The following PRKCH variants were observed in gnomAD, a reference collection of about 807,000 sequenced individuals.
PRKCH encodes protein kinase C eta type.
PRKCH carries 28 observed loss-of-function variants against 82.5 expected under a neutral mutation model. The observed-to-expected ratio is 0.34, with a 90% CI of 0.25 to 0.47. The LOEUF is 0.47. Ranked by LOEUF, PRKCH falls within the 20% of genes least tolerant of loss-of-function variation. PRKCH has a pLI of 1.00. For synonymous variants in PRKCH, 322 were observed against 327.4 expected (o/e 0.98, Z 0.18); for missense variants, 705 against 881.8 (o/e 0.80, Z 2.54).
intron 1 of PRKCH, among the ~76,000 whole-genome samples, chr14:61,228,238 A>G (rs1221564173): frequency 1.3e-5 from 2 of 152,238 alleles, no homozygotes; most frequent in Admixed American, 1.3e-4. Flanking sequence ...GAGTCCAGTC[A>G]TTTTTACAAA....
intron 1 of PRKCH, among the ~76,000 whole-genome samples, chr14:61,230,092 G>T (rs1384938682): frequency 6.6e-6 from 1 of 151,862 alleles, no homozygotes; most frequent in African/African-American, 2.4e-5. Context: ...AACATTCAGT[G>T]AAAAAAGGTA....
At chr14:61,514,657 C>G (rs1290470447) in intron 10 of PRKCH, among the ~76,000 whole-genome samples, 1 of 152,154 alleles carries the variant, frequency 6.6e-6, no homozygotes, top group Non-Finnish European at 1.5e-5. Context: ...GGGAACCTGG[C>G]CAAACCCAAT....
intron 2 of PRKCH, among the ~76,000 whole-genome samples, chr14:61,404,401 C>T (rs559115536): frequency 6.6e-6 from 1 of 152,248 alleles, no homozygotes; most frequent in South Asian, 2.1e-4. Flanking sequence ...ACAAAATGTC[C>T]TGGGTCAAGC....
intron 10 of PRKCH, chr14:61,525,094 C>G (rs1088667): frequency 0.75 from 114,389 of 152,134 alleles, 47,419 homozygotes; most frequent in Non-Finnish European, 0.93. Context: ...AGAAGGAAGA[C>G]AGGTGCACAG....
chr14:61,532,336 G>A lies in PRKCH; in HGVS notation c.1761+1741G>A, dbSNP rs145099186. Among the ~76,000 whole-genome samples the A allele has an allele frequency of 1.1e-3, 168 of 152,258 alleles. 1 individual carries two copies. Among genetic ancestry groups the A allele is most frequent in the Non-Finnish European group, 2.2e-3 (150 of 68,002 alleles). On this transcript the variant is annotated intron_variant, in intron 12 of 13. Coordinates refer to ENST00000332981, the MANE Select transcript of PRKCH (RefSeq NM_006255.5). ...GGGTAGGAAATAAAAGTCAGTCTATGCCTCAATAAATTTTTATATTCTCTA... is the reference window on the plus strand; with the variant it reads ...GGGTAGGAAATAAAAGTCAGTCTATACCTCAATAAATTTTTATATTCTCTA...
intron 10 of PRKCH, among the ~76,000 whole-genome samples, chr14:61,508,020 C>T (rs1887227619): frequency 6.6e-6 from 1 of 152,070 alleles, no homozygotes; most frequent in Non-Finnish European, 1.5e-5. Context: ...GATGATTTTA[C>T]AGGTATACAC....
chr14:61,270,392 G>T (rs921734061), intron 1 of PRKCH, among the ~76,000 whole-genome samples: 2 of 152,154 alleles, frequency 1.3e-5, no homozygotes, highest in Non-Finnish European at 1.5e-5. Context: ...ATCTCTCCAC[G>T]CTAGCAGTGG....
chr14:61,508,935 T>C (rs1313045461), intron 10 of PRKCH, among the ~76,000 whole-genome samples: 3 of 152,088 alleles, frequency 2.0e-5, no homozygotes, highest in African/African-American at 4.8e-5. Context: ...GTGCTACCAA[T>C]TAGATTGTAT....
At chr14:61,318,315 C>A (rs2045580237), upstream of PRKCH, among the ~76,000 whole-genome samples, 1 of 151,812 alleles carries the variant, frequency 6.6e-6, no homozygotes, top group African/African-American at 2.4e-5. Flanking sequence ...GATCCTCCTA[C>A]CTTGGCTTCC....
chr14:61,473,473 A>G (rs2140314521), intron 9 of PRKCH, among the ~76,000 whole-genome samples: 1 of 152,316 alleles, frequency 6.6e-6, no homozygotes, highest in Admixed American at 6.5e-5. Context: ...CAAGGCAGCA[A>G]TCATGGGAGT....
intron 1 of PRKCH, among the ~76,000 whole-genome samples, chr14:61,258,933 C>T (rs1201545531): frequency 2.0e-5 from 3 of 152,196 alleles, no homozygotes; most frequent in Non-Finnish European, 2.9e-5. Context: ...TTAGCTCCTT[C>T]CTCGTCCTTT....
intron 1 of PRKCH, among the ~76,000 whole-genome samples, chr14:61,383,155 T>C (rs1333440395): frequency 6.6e-6 from 1 of 152,202 alleles, no homozygotes; most frequent in Non-Finnish European, 1.5e-5. Flanking sequence ...AGTGAGCCCT[T>C]GTCATCCATA....
intron 1 of PRKCH, among the ~76,000 whole-genome samples, chr14:61,345,588 A>C (rs901076237): frequency 6.6e-6 from 1 of 152,246 alleles, no homozygotes; most frequent in African/African-American, 2.4e-5. Flanking sequence ...AAGTGGGATA[A>C]TATACAATAA....
intron 1 of PRKCH, among the ~76,000 whole-genome samples, chr14:61,353,157 A>G (rs1289374171): frequency 6.6e-6 from 1 of 152,190 alleles, no homozygotes; most frequent in Non-Finnish European, 1.5e-5. Context: ...ATCGTGGTGG[A>G]CCTGTATAGC....
chr14:61,491,086 T>C (rs759642527), intron 10 of PRKCH, among the ~76,000 whole-genome samples: 1 of 152,162 alleles, frequency 6.6e-6, no homozygotes, highest in African/African-American at 2.4e-5. Context: ...CTCCTCAGTA[T>C]TTCTTATCAG....
At chr14:61,191,495 A>G (rs1357038371) in intron 1 of PRKCH, among the ~76,000 whole-genome samples, 1 of 152,136 alleles carries the variant, frequency 6.6e-6, no homozygotes, top group African/African-American at 2.4e-5. Context: ...CAACATGGCA[A>G]AACCCCATCT....
intron 1 of PRKCH, among the ~76,000 whole-genome samples, chr14:61,333,265 G>C (rs751951033): frequency 9.2e-5 from 14 of 152,196 alleles, no homozygotes; most frequent in South Asian, 6.2e-4. Flanking sequence ...CTATGGAGCT[G>C]TTTCTGGAAA....
At chr14:61,200,385 G>A (rs1010990772) in intron 1 of PRKCH, among the ~76,000 whole-genome samples, 3 of 132,962 alleles carry the variant, frequency 2.3e-5, no homozygotes, top group Admixed American at 1.6e-4. Context: ...AAGTGAGTGA[G>A]TGAGTGTGTG....
At chr14:61,464,310 A>G (rs1885157572) in intron 9 of PRKCH, among the ~76,000 whole-genome samples, 1 of 150,772 alleles carries the variant, frequency 6.6e-6, no homozygotes, top group African/African-American at 2.4e-5. Context: ...GCATATCCCC[A>G]ATGATTAGTG....
Sources: gnomAD v4.1 joint callset for allele counts (sites outside exome capture counted in the v4.1 genomes callset) on GRCh38, gnomAD v4.1.1 for gene constraint, MANE v1.5 for transcripts, NCBI Gene and HGNC (gene_info 2026-07-23, HGNC 2026-07-21) for gene names.